The following OPCML variants were observed in gnomAD, a reference collection of about 807,000 sequenced individuals.
OPCML encodes opioid binding protein/cell adhesion molecule like.
A neutral mutation model predicts 37.8 loss-of-function variants in OPCML; 13 were observed. That is an observed-to-expected ratio of 0.34 (90% CI 0.22 to 0.55). The LOEUF (loss-of-function observed/expected upper bound fraction) is 0.55. Ranked by LOEUF, OPCML falls within the 20% of genes least tolerant of loss-of-function variation. The pLI is 0.91. For synonymous variants in OPCML, 176 were observed against 168.8 expected, an observed-to-expected ratio of 1.04 and a Z score of -0.33; for missense variants, 341 against 435.6, an observed-to-expected ratio of 0.78 and a Z score of 1.93.
At chr11:132,548,664 G>A (rs890128347) in intron 3 of OPCML, among the ~76,000 whole-genome samples, 19 of 152,150 alleles carry the variant, frequency 1.2e-4, no homozygotes, top group Admixed American at 6.5e-4. Context: ...GGGATCTCCC[G>A]GTTTGGGAGA....
intron 1 of OPCML, among the ~76,000 whole-genome samples, chr11:133,351,411 T>C (rs1467193422): frequency 3.3e-5 from 5 of 152,158 alleles, no homozygotes; most frequent in African/African-American, 4.8e-5. Flanking sequence ...TATTTCTCTC[T>C]TCTCAGTAAC....
chr11:133,484,137 A>T (rs1947475591), intron 1 of OPCML, among the ~76,000 whole-genome samples: 1 of 147,258 alleles, frequency 6.8e-6, no homozygotes, highest in South Asian at 2.1e-4. Context: ...TGATAGATAG[A>T]TGATAGATGG....
rs1009973671 is a variant in OPCML at position 132,531,505 on chromosome 11, T to C, written c.380-2319A>G. On this transcript the variant is annotated intron_variant, in intron 3 of 7. Transcript: ENST00000524381. ...TTTGCAGCTTGGAGTTTTACGCTGCTGAGACCTTACAGGTAAGTCTTTTCA... is the reference window on the plus strand; with the variant it reads ...TTTGCAGCTTGGAGTTTTACGCTGCCGAGACCTTACAGGTAAGTCTTTTCA... Among the ~76,000 whole-genome samples, 9 of 152,228 alleles carry C rather than the reference T, an allele frequency of 5.9e-5. No individual in the cohort carries two copies. In the East Asian group the frequency reaches 1.5e-3, roughly 26 times the overall value.
At chr11:132,828,061 T>C (rs1940466789) in intron 2 of OPCML, among the ~76,000 whole-genome samples, 1 of 152,108 alleles carries the variant, frequency 6.6e-6, no homozygotes, top group African/African-American at 2.4e-5. Flanking sequence ...TATTCAGTGC[T>C]AACAAGAGAT....
chr11:133,429,874 A>C (rs1340960724), intron 1 of OPCML, among the ~76,000 whole-genome samples: 1 of 152,188 alleles, frequency 6.6e-6, no homozygotes, highest in Non-Finnish European at 1.5e-5. Flanking sequence ...GTATTAATAT[A>C]TACTTTAGAG....
chr11:132,859,589 T>C (rs933445205), intron 2 of OPCML: 5 of 152,228 alleles, frequency 3.3e-5, no homozygotes, highest in African/African-American at 9.6e-5. Flanking sequence ...GCAGAAAAGA[T>C]AGACTGGAGC....
chr11:133,127,805 G>A (rs1949539940), intron 1 of OPCML, among the ~76,000 whole-genome samples: 1 of 151,962 alleles, frequency 6.6e-6, no homozygotes, highest in African/African-American at 2.4e-5. Flanking sequence ...TCTAAAAGGG[G>A]AATATAAGGG....
chr11:133,332,320 G>C (rs907515860), intron 1 of OPCML, among the ~76,000 whole-genome samples: 1 of 152,144 alleles, frequency 6.6e-6, no homozygotes, highest in Non-Finnish European at 1.5e-5. Flanking sequence ...CCAGCTGAAG[G>C]AGCTTCAGCT....
At chr11:133,166,867 G>A (rs1950215275) in intron 1 of OPCML, among the ~76,000 whole-genome samples, 1 of 152,188 alleles carries the variant, frequency 6.6e-6, no homozygotes, top group Admixed American at 6.5e-5. Flanking sequence ...ATGAGTATTG[G>A]CATTGTGTTG....
At chr11:133,109,555 T>A (rs545170740) in intron 1 of OPCML, among the ~76,000 whole-genome samples, 1 of 152,194 alleles carries the variant, frequency 6.6e-6, no homozygotes, top group Non-Finnish European at 1.5e-5. Context: ...TACTGAGCGC[T>A]GATGTGTGCA....
At chr11:133,053,485 A>G (rs1948168048) in intron 1 of OPCML, among the ~76,000 whole-genome samples, 1 of 152,118 alleles carries the variant, frequency 6.6e-6, no homozygotes, top group Non-Finnish European at 1.5e-5. Flanking sequence ...CCTGGTTTCC[A>G]TCCACTCCAG....
At chr11:133,009,103 C>A in intron 1 of OPCML, 1 of 985,174 alleles carries the variant, frequency 1.0e-6, no homozygotes, top group Non-Finnish European at 1.2e-6. Flanking sequence ...AGATTAAATG[C>A]ATTCTTTAAT....
At chr11:132,912,502 A>T (rs1944459862) in intron 2 of OPCML, among the ~76,000 whole-genome samples, 1 of 152,212 alleles carries the variant, frequency 6.6e-6, no homozygotes, top group African/African-American at 2.4e-5. Context: ...ATTTTTTATG[A>T]AGCACTTCAT....
At chr11:132,667,480 A>G (rs1191950928) in intron 2 of OPCML, among the ~76,000 whole-genome samples, 1 of 152,214 alleles carries the variant, frequency 6.6e-6, no homozygotes, top group Non-Finnish European at 1.5e-5. Flanking sequence ...AAGTATATAT[A>G]CTAATGAGAA....
rs576225669 is a variant in OPCML, at chr11:132,495,068, C to G, written c.505+33993G>C. On this transcript the variant is annotated intron_variant, in intron 4 of 7. Transcript: ENST00000524381. ...TTCTCAAAGTTTACATCATTGTCAC[C>G]TCCTTTGAATCTCTCTTCTTTGTAG... Among the ~76,000 whole-genome samples, 6 of 151,696 alleles carry G rather than the reference C, an allele frequency of 4.0e-5. No individual in the cohort carries two copies. In the East Asian group the frequency reaches 9.7e-4, roughly 24 times the overall value.
At chr11:132,981,623 G>C (rs553174137) in intron 1 of OPCML, among the ~76,000 whole-genome samples, 2 of 152,346 alleles carry the variant, frequency 1.3e-5, no homozygotes, top group South Asian at 4.1e-4. Context: ...TTACACGTAA[G>C]AATGACTAGA....
At chr11:133,531,633 G>A (rs1330831085) in intron 1 of OPCML, among the ~76,000 whole-genome samples, 1 of 152,024 alleles carries the variant, frequency 6.6e-6, no homozygotes, top group South Asian at 2.1e-4. Context: ...AGGAGCAGAT[G>A]AGTGAGCTGA....
At chr11:132,480,518 A>C (rs2096175862) in intron 4 of OPCML, among the ~76,000 whole-genome samples, 1 of 152,194 alleles carries the variant, frequency 6.6e-6, no homozygotes, top group Non-Finnish European at 1.5e-5. Flanking sequence ...AATACAGAGA[A>C]CACCACAAAG....
At chr11:132,669,413 AAAAGGG>A (rs763815961) in intron 2 of OPCML, among the ~76,000 whole-genome samples, 1,713 of 152,190 alleles carry the variant, frequency 0.011, 22 homozygotes, top group Middle Eastern at 0.027. Context: ...TGGAAAAGGG[AAAAGGG>A]AAAATTATTC....
Sources: gnomAD v4.1 joint callset for allele counts (sites outside exome capture counted in the v4.1 genomes callset) on GRCh38, gnomAD v4.1.1 for gene constraint, MANE v1.5 for transcripts, NCBI Gene and HGNC (gene_info 2026-07-23, HGNC 2026-07-21) for gene names.